BFSP1: variants seen among roughly 807,000 people sequenced by gnomAD.
BFSP1 encodes the protein filensin.
A neutral mutation model predicts 43.9 loss-of-function variants in BFSP1; 38 were observed. That is an observed-to-expected ratio of 0.87 (90% CI 0.67 to 1.14). The LOEUF is 1.14. Ranked by LOEUF, BFSP1 falls within the 50% of genes most tolerant of loss-of-function variation. The probability of loss-of-function intolerance (pLI) is 0.00; values close to 1 mark genes in which losing one functional copy is unlikely to be tolerated. For missense variants in BFSP1, 850 were observed against 875.1 expected, an observed-to-expected ratio of 0.97 and a Z score of 0.36; for synonymous variants, 352 against 354.8, an observed-to-expected ratio of 0.99 and a Z score of 0.09.
rs369695566 is a variant in BFSP1, at chr20:17,507,588, C to T, written c.735+1301G>A. Among the ~76,000 whole-genome samples, 45 of 152,170 alleles carry T rather than the reference C, an allele frequency of 3.0e-4. No individual in the cohort carries two copies. The highest frequency in any genetic ancestry group is 1.1e-3 in the African/African-American group (44 of 41,512). Reference sequence around the variant, plus strand: ...CACACACATACACATGACACACACACACCACACACACTTCACATACACATC... The same window carrying T: ...CACACACATACACATGACACACACATACCACACACACTTCACATACACATC... On this transcript the variant is annotated intron_variant, in intron 5 of 7. Coordinates refer to ENST00000377873, the MANE Select transcript of BFSP1 (RefSeq NM_001195.5). This position sits in a 1 kb window ranked among gnomAD's most constrained non-coding sequence, Gnocchi z 4.4.
chr20:17,548,097 G>T (rs2034835673), intron 1 of BFSP1, among the ~76,000 whole-genome samples: 1 of 148,022 alleles, frequency 6.8e-6, no homozygotes, highest in Non-Finnish European at 1.5e-5. Flanking sequence ...ATTAATAGTG[G>T]GCATAATCTA....
chr20:17,544,584 A>C (rs1259980880), intron 1 of BFSP1, among the ~76,000 whole-genome samples: 5 of 152,236 alleles, frequency 3.3e-5, no homozygotes, highest in Non-Finnish European at 7.3e-5. Flanking sequence ...TGGCAGTACT[A>C]AGACAAGAAA....
At chr20:17,530,171 T>A (rs2123533499) in intron 1 of BFSP1, among the ~76,000 whole-genome samples, 1 of 152,298 alleles carries the variant, frequency 6.6e-6, no homozygotes, top group East Asian at 1.9e-4. Flanking sequence ...ATACTGCTGG[T>A]CCATGGACCG....
chr20:17,541,172 T>G (rs1439309314), intron 1 of BFSP1: 1 of 803,774 alleles, frequency 1.2e-6, no homozygotes, highest in Non-Finnish European at 1.5e-6. Flanking sequence ...CTGCACCCCA[T>G]TCTGGGCAAC....
chr20:17,538,110 C>G (rs1040575034), intron 1 of BFSP1, among the ~76,000 whole-genome samples: 3 of 144,882 alleles, frequency 2.1e-5, no homozygotes, highest in Non-Finnish European at 3.0e-5. Context: ...GACAGAAGGA[C>G]ACTGTGTCTC....
intron 2 of BFSP1, among the ~76,000 whole-genome samples, chr20:17,522,828 T>C (rs993309662): frequency 3.3e-5 from 5 of 152,304 alleles, no homozygotes; most frequent in South Asian, 4.1e-4. Flanking sequence ...ATTTCACAGA[T>C]GAAAAAACCG....
intron 7 of BFSP1, 74 bp downstream of exon 7, chr20:17,496,864 T>TA: frequency 7.8e-7 from 1 of 1,288,944 alleles, no homozygotes; most frequent in Non-Finnish European, 1.1e-6. Flanking sequence ...GCATGAATGT[T>TA]AAAGTCAGGA....
intron 1 of BFSP1, among the ~76,000 whole-genome samples, chr20:17,547,066 G>C (rs1396358582): frequency 1.3e-5 from 2 of 149,546 alleles, no homozygotes; most frequent in African/African-American, 2.5e-5. Flanking sequence ...TGGGGACACA[G>C]AGCCAAACAA....
At chr20:17,554,440 C>T (rs148686048) in intron 1 of BFSP1, among the ~76,000 whole-genome samples, 10 of 152,156 alleles carry the variant, frequency 6.6e-5, no homozygotes, top group Non-Finnish European at 1.3e-4. Flanking sequence ...ACCTCAAGCC[C>T]GAGCAGAATG....
intron 1 of BFSP1, among the ~76,000 whole-genome samples, chr20:17,555,101 C>A (rs1346547328): frequency 1.3e-5 from 2 of 151,388 alleles, no homozygotes; most frequent in Non-Finnish European, 1.5e-5. Flanking sequence ...GAGTTTGAAA[C>A]CAGCCTGGTC....
intron 1 of BFSP1, among the ~76,000 whole-genome samples, chr20:17,538,760 G>C (rs530931658): frequency 6.6e-6 from 1 of 152,302 alleles, no homozygotes; most frequent in South Asian, 2.1e-4. Context: ...TGTCCCAGCA[G>C]GTGCCATCCT....
At chr20:17,568,862 T>A (rs936865695) in intron 1 of BFSP1, among the ~76,000 whole-genome samples, 2 of 152,086 alleles carry the variant, frequency 1.3e-5, no homozygotes, top group African/African-American at 4.8e-5. Context: ...TTAAAATAGT[T>A]TTGGTCGAGG....
At chr20:17,557,820 A>G (rs1033605639) in intron 1 of BFSP1, among the ~76,000 whole-genome samples, 6 of 152,212 alleles carry the variant, frequency 3.9e-5, no homozygotes, top group African/African-American at 1.4e-4. Flanking sequence ...TAAACCTGTT[A>G]TGCAGGAAAA....
At chr20:17,559,671 G>A (rs934539029), upstream of BFSP1, among the ~76,000 whole-genome samples, 5 of 152,128 alleles carry the variant, frequency 3.3e-5, no homozygotes, top group Non-Finnish European at 5.9e-5. Flanking sequence ...GATCAGCGGC[G>A]GCATTAGATT....
upstream of BFSP1, among the ~76,000 whole-genome samples, chr20:17,563,415 C>T (rs1190231412): frequency 1.0e-4 from 2 of 19,828 alleles, no homozygotes; most frequent in African/African-American, 1.5e-4. Flanking sequence ...TCCTTCCTTT[C>T]TGACAGAGTC....
chr20:17,494,358 G>A lies in BFSP1; in HGVS notation c.1714C>T (p.Pro572Ser). The change falls in exon 8 of 8, where the codon CCC (proline) becomes TCC (serine). Residue 572 changes from proline (P) to serine (S), a missense_variant. Transcript: ENST00000377873. ...GCACCGGGTGTGACCATGGCACAGG[G>A]TCTCCTGGACTCTTCGTCCCGCTCC... The part of the protein sequence containing the change: ...GEERDEESRR[P>S]CAMVTPGAEE... The A allele has an allele frequency of 6.2e-7, 1 of 1,614,166 alleles. No homozygotes were observed. The highest frequency in any genetic ancestry group is 1.1e-5 in the South Asian group (1 of 91,084).
At chr20:17,512,830 G>A (rs1329955641) in intron 3 of BFSP1, among the ~76,000 whole-genome samples, 1 of 152,162 alleles carries the variant, frequency 6.6e-6, no homozygotes, top group Non-Finnish European at 1.5e-5. Flanking sequence ...AAGACTTACT[G>A]GCTATGTGTG....
chr20:17,561,433 A>G (rs2035065893), upstream of BFSP1, among the ~76,000 whole-genome samples: 1 of 151,960 alleles, frequency 6.6e-6, no homozygotes, highest in Non-Finnish European at 1.5e-5. Context: ...CGGGAGGTAG[A>G]GGTTGCAGCG....
chr20:17,512,187 AC>A, intron 3 of BFSP1, 119 bp from the exon 4 acceptor site: 1 of 736,978 alleles, frequency 1.4e-6, no homozygotes, highest in Non-Finnish European at 2.2e-6. Context: ...GACAGGACAG[AC>A]CATGACCAGG....
Sources: gnomAD v4.1 joint callset for allele counts (sites outside exome capture counted in the v4.1 genomes callset) on GRCh38, gnomAD v4.1.1 for gene constraint, Gnocchi (gnomAD v3.1) non-coding constraint, MANE v1.5 for transcripts, NCBI Gene and HGNC (gene_info 2026-07-23, HGNC 2026-07-21) for gene names.